The following ZNF721 variants were observed in gnomAD, a reference collection of about 807,000 sequenced individuals.
ZNF721 encodes the protein zinc finger protein 721.
ZNF721 carries 2 observed loss-of-function variants against 2.4 expected under a neutral mutation model. The observed-to-expected ratio is 0.82, with a 90% CI of 0.34 to 2.58. The LOEUF is 2.58. Ranked by LOEUF, ZNF721 falls within the 30% of genes most tolerant of loss-of-function variation. The probability of loss-of-function intolerance (pLI) is 0.11; values close to 1 mark genes in which losing one functional copy is unlikely to be tolerated. For synonymous variants in ZNF721, 398 were observed against 381.8 expected (o/e 1.04, Z -0.50); for missense variants, 1,187 against 1,085.5 (o/e 1.09, Z -1.31).
intron 2 of ZNF721, among the ~76,000 whole-genome samples, chr4:460,619 G>T (rs1553865927): frequency 7.7e-6 from 1 of 130,522 alleles, no homozygotes; most frequent in Non-Finnish European, 1.6e-5. Flanking sequence ...AGACACGAAA[G>T]ACCCTTTCAA....
intron 1 of ZNF721, among the ~76,000 whole-genome samples, chr4:495,372 C>T (rs1324891002): frequency 8.4e-6 from 1 of 119,548 alleles, no homozygotes; most frequent in Non-Finnish European, 1.8e-5. Context: ...GAGAGAAAAA[C>T]AAAAACCAAA....
chr4:450,956 A>AAAAATAT (rs1714637638), intron 2 of ZNF721, among the ~76,000 whole-genome samples: 2 of 63,756 alleles, frequency 3.1e-5, no homozygotes, highest in African/African-American at 1.5e-4. Context: ...AAAAAAAAAA[A>AAAAATAT]ATATATATAT....
At chr4:486,099 G>C (rs781914664) in intron 1 of ZNF721, among the ~76,000 whole-genome samples, 2 of 152,008 alleles carry the variant, frequency 1.3e-5, no homozygotes, top group Non-Finnish European at 2.9e-5. Flanking sequence ...TGCATCCAAG[G>C]GTAAGAAGCA....
chr4:475,218 A>C (rs1291265077), intron 1 of ZNF721, among the ~76,000 whole-genome samples: 1 of 151,888 alleles, frequency 6.6e-6, no homozygotes, highest in African/African-American at 2.4e-5. Context: ...TCTAATATGA[A>C]TTTTTTTAGC....
At chr4:461,421 TCTCA>T (rs1252174805) in intron 2 of ZNF721, among the ~76,000 whole-genome samples, 1 of 152,088 alleles carries the variant, frequency 6.6e-6, no homozygotes, top group East Asian at 1.9e-4. Context: ...TGCTAAAAAC[TCTCA>T]ATCAACTAGG....
At position 442,656 on chromosome 4, in the gene ZNF721, T is replaced by A. The variant is rs376794769; in HGVS notation, c.1811A>T (p.Lys604Met). The A allele has an allele frequency of 1.2e-6, 2 of 1,613,220 alleles. No homozygotes were observed. The highest frequency in any genetic ancestry group is 1.7e-6 in the Non-Finnish European group (2 of 1,179,726). The change falls in exon 3 of 3, where the codon AAG (lysine) becomes ATG (methionine). Residue 604 changes from lysine (K) to methionine (M), a missense_variant. Transcript: ENST00000511833. ...FGRYTDLNQH[K>M]KIHTGEKLYK... ...AAGTTTCTCTCCAGTATGAATTTTC[T>A]TGTGTTGATTCAGGTCTGTGTACCG...
intron 1 of ZNF721, among the ~76,000 whole-genome samples, chr4:497,685 G>T (rs1553872631): frequency 3.0e-5 from 4 of 134,004 alleles, no homozygotes; most frequent in Admixed American, 3.0e-4. Flanking sequence ...TCAGGAGATT[G>T]AGACCATCCT....
intron 1 of ZNF721, among the ~76,000 whole-genome samples, chr4:473,131 G>C (rs540663294): frequency 2.8e-4 from 42 of 152,216 alleles, no homozygotes; most frequent in African/African-American, 9.6e-4. Context: ...TTCACTACGG[G>C]AAGACTGGGC....
intron 1 of ZNF721, among the ~76,000 whole-genome samples, chr4:487,038 G>A (rs1457385040): frequency 3.9e-5 from 6 of 152,184 alleles, no homozygotes; most frequent in African/African-American, 1.4e-4. Context: ...TTGATCCTGA[G>A]TCCCAGCCAG....
chr4:489,274 C>G (rs1715968497), intron 1 of ZNF721, among the ~76,000 whole-genome samples: 1 of 152,172 alleles, frequency 6.6e-6, no homozygotes, highest in East Asian at 1.9e-4. Context: ...GGGCAGAACC[C>G]ACAGAAGACT....
intron 1 of ZNF721, among the ~76,000 whole-genome samples, chr4:489,913 G>A (rs1176988236): frequency 1.3e-5 from 2 of 152,066 alleles, no homozygotes; most frequent in Non-Finnish European, 2.9e-5. Flanking sequence ...AGGTTGGAGT[G>A]CAGCAGTGTG....
intron 1 of ZNF721, among the ~76,000 whole-genome samples, chr4:487,801 G>A (rs1715933722): frequency 6.6e-6 from 1 of 152,112 alleles, no homozygotes; most frequent in Non-Finnish European, 1.5e-5. Context: ...CAAGGTCTGG[G>A]AGCAGGGAAC....
chr4:483,573 T>A (rs1715824123), intron 1 of ZNF721, among the ~76,000 whole-genome samples: 1 of 150,310 alleles, frequency 6.7e-6, no homozygotes, highest in Admixed American at 6.7e-5. Context: ...GAAAAAAAAA[T>A]TAGCTCTTAA....
At chr4:493,752 A>T (rs149885470) in intron 1 of ZNF721, among the ~76,000 whole-genome samples, 31 of 152,150 alleles carry the variant, frequency 2.0e-4, no homozygotes, top group African/African-American at 7.0e-4. Context: ...CATTAAACCA[A>T]TATCAGTGTC....
Position 499,107 on chromosome 4 carries a change from A to G in ZNF721, c.-145T>C, listed in dbSNP as rs1372001918. 1 of 556,442 alleles carries G rather than the reference A, an allele frequency of 1.8e-6. No individual in the cohort carries two copies. The highest frequency in any genetic ancestry group is 3.1e-6 in the Non-Finnish European group (1 of 320,732). The allele number at this position is 556,442 out of a possible 1,614,324, so 34.5% of individuals were successfully genotyped here. The stretch of plus-strand genomic sequence containing the variant: ...ACTCGCCGGGAAGACGGCCCCACGG[A>G]GCCGGGAACACCGCCCGCTGTTCGT... On this transcript the variant is annotated 5_prime_UTR_variant, in exon 1 of 3. Transcript: ENST00000511833.
In ZNF721 at chr4:499,129, T is replaced by C. The variant is rs534474332; in HGVS notation, c.-167A>G. On this transcript the variant is annotated 5_prime_UTR_variant, in exon 1 of 3. Transcript: ENST00000511833. ...CGGAGCCGGGAACACCGCCCGCTGT[T>C]CGTATGTCCGAGGTGACGCCCCGCT... 1.1e-3 allele frequency: 654 copies of C among 583,676 alleles called. 5 individuals carry two copies. The African/African-American group carries it at 0.012, about 11-fold the overall frequency. 36.2% of individuals were successfully genotyped at this position (583,676 alleles called of 1,614,324 possible). A position where few individuals can be genotyped will look rare whatever the true frequency, so the allele number is the denominator to read the frequency against.
intron 2 of ZNF721, among the ~76,000 whole-genome samples, chr4:451,446 A>G (rs1296220208): frequency 6.6e-6 from 1 of 152,202 alleles, no homozygotes; most frequent in Non-Finnish European, 1.5e-5. Context: ...TTACAAAAAT[A>G]GCTAGGGTCT....
intron 1 of ZNF721, among the ~76,000 whole-genome samples, chr4:498,654 C>G (rs1553873230): frequency 6.6e-6 from 1 of 151,910 alleles, no homozygotes; most frequent in Non-Finnish European, 1.5e-5. Context: ...TGATCTCACT[C>G]ATGTGGCATC....
At chr4:455,250 G>A (rs563269256) in intron 2 of ZNF721, among the ~76,000 whole-genome samples, 27 of 152,014 alleles carry the variant, frequency 1.8e-4, no homozygotes, top group African/African-American at 6.5e-4. Flanking sequence ...CTTTCACCCC[G>A]CAGCACACAA....
Sources: gnomAD v4.1 joint callset for allele counts (sites outside exome capture counted in the v4.1 genomes callset) on GRCh38, gnomAD v4.1.1 for gene constraint, MANE v1.5 for transcripts, NCBI Gene and HGNC (gene_info 2026-07-23, HGNC 2026-07-21) for gene names.